The following ADTRP variants were observed in gnomAD, a reference collection of about 807,000 sequenced individuals.
ADTRP encodes androgen-dependent TFPI-regulating protein.
In ADTRP, 20 loss-of-function variants were observed where a neutral mutation model predicts 27.0. The observed-to-expected ratio is 0.74, with a 90% confidence interval of 0.52 to 1.08. The LOEUF (loss-of-function observed/expected upper bound fraction) is 1.08, where lower values mean the gene tolerates loss of function less well. ADTRP is among the 50% of genes least tolerant of loss of function. The probability of loss-of-function intolerance (pLI) is 0.00; values close to 1 mark genes in which losing one functional copy is unlikely to be tolerated. For missense variants in ADTRP, 251 were observed against 275.0 expected (o/e 0.91, Z 0.62); for synonymous variants, 101 against 105.2 (o/e 0.96, Z 0.25).
chr6:11,743,076 C>T (rs1424770016), intron 3 of ADTRP, among the ~76,000 whole-genome samples: 3 of 152,192 alleles, frequency 2.0e-5, no homozygotes, highest in Admixed American at 6.5e-5. Context: ...GGCTGTGGCC[C>T]GTCCTGCCTT....
rs371207999 is a variant in ADTRP at position 11,759,971 on chromosome 6, T to C, written c.390+6303A>G. The stretch of plus-strand genomic sequence containing the variant: ...AGGTAAGTGGTCTGCCTGGAAGAAG[T>C]AAGGAAACAGAGTCTCCTCCACAGA... On this transcript the variant is annotated intron_variant, in intron 3 of 5. Coordinates refer to ENST00000414691, the MANE Select transcript of ADTRP (RefSeq NM_032744.4). Among the ~76,000 whole-genome samples, 45 of 152,182 alleles carry C rather than the reference T, an allele frequency of 3.0e-4. 1 individual carries two copies. The East Asian group carries it at 8.5e-3, about 29-fold the overall frequency.
At chr6:11,716,972 C>T (rs13211945) in intron 5 of ADTRP, among the ~76,000 whole-genome samples, 4,403 of 151,236 alleles carry the variant, frequency 0.029, 83 homozygotes, top group Middle Eastern at 0.041. Flanking sequence ...GTGATCCACC[C>T]GCCTCGGCCT....
intron 1 of ADTRP, among the ~76,000 whole-genome samples, chr6:11,772,785 C>T (rs1272237627): frequency 4.6e-5 from 7 of 152,016 alleles, no homozygotes; most frequent in South Asian, 4.1e-4. Flanking sequence ...TATCTGTATT[C>T]GTATGGAATA....
intron 1 of ADTRP, among the ~76,000 whole-genome samples, chr6:11,777,772 T>C (rs1265874365): frequency 1.3e-5 from 2 of 152,194 alleles, no homozygotes; most frequent in East Asian, 3.9e-4. Flanking sequence ...ACCACATACA[T>C]TCTCCGCTTG....
chr6:11,775,688 G>A (rs1158428088), intron 1 of ADTRP, among the ~76,000 whole-genome samples: 3 of 152,134 alleles, frequency 2.0e-5, no homozygotes, highest in Non-Finnish European at 4.4e-5. Context: ...CAGGGGAGTA[G>A]CTCAGTGCAA....
chr6:11,774,759 G>A (rs993764801), intron 1 of ADTRP, among the ~76,000 whole-genome samples: 3 of 152,198 alleles, frequency 2.0e-5, no homozygotes, highest in African/African-American at 4.8e-5. Context: ...TAAACTGAAT[G>A]AATTCTGCGA....
chr6:11,768,486 G>A, intron 1 of ADTRP, 103 bp from the exon 2 acceptor site: 2 of 1,454,962 alleles, frequency 1.4e-6, no homozygotes, highest in Non-Finnish European at 1.9e-6. Context: ...GGCTTTGAGA[G>A]GGAGAGGGCT....
intron 3 of ADTRP, among the ~76,000 whole-genome samples, chr6:11,753,193 C>T (rs1763110377): frequency 6.6e-6 from 1 of 152,166 alleles, no homozygotes; most frequent in Admixed American, 6.5e-5. Flanking sequence ...AATTTTGCTC[C>T]TCCTCACACC....
At chr6:11,722,268 A>G (rs1421734653) in intron 5 of ADTRP, among the ~76,000 whole-genome samples, 1 of 152,222 alleles carries the variant, frequency 6.6e-6, no homozygotes, top group Non-Finnish European at 1.5e-5. Flanking sequence ...CAAATTCTCC[A>G]AGAGTAGAAA....
intron 3 of ADTRP, among the ~76,000 whole-genome samples, chr6:11,738,151 G>C (rs922200753): frequency 6.6e-6 from 1 of 152,218 alleles, no homozygotes; most frequent in Non-Finnish European, 1.5e-5. Flanking sequence ...ACTATTATCA[G>C]TGTGACTGTT....
chr6:11,745,831 C>T (rs1192546459), intron 3 of ADTRP, among the ~76,000 whole-genome samples: 1 of 151,904 alleles, frequency 6.6e-6, no homozygotes, highest in African/African-American at 2.4e-5. Context: ...TGCTCTGTCA[C>T]CCAGGCTGGA....
At chr6:11,753,304 A>G (rs1039339999) in intron 3 of ADTRP, among the ~76,000 whole-genome samples, 5 of 152,228 alleles carry the variant, frequency 3.3e-5, no homozygotes, top group Non-Finnish European at 7.3e-5. Flanking sequence ...GTGAAGGGGC[A>G]TTTGTGAATA....
At chr6:11,717,302 A>ATTTC in intron 5 of ADTRP, 1 of 1,304,030 alleles carries the variant, frequency 7.7e-7, no homozygotes, top group African/African-American at 1.5e-5. Flanking sequence ...TAGCCCTGAT[A>ATTTC]TTTCACCTGA....
chr6:11,719,622 G>A (rs932344), intron 5 of ADTRP, among the ~76,000 whole-genome samples: 80,311 of 152,022 alleles, frequency 0.53, 23,066 homozygotes, highest in Non-Finnish European at 0.66. Context: ...GTTCTTGACC[G>A]CTTGGTGCTT....
chr6:11,761,679 G>A (rs576371042), intron 3 of ADTRP, among the ~76,000 whole-genome samples: 1 of 152,078 alleles, frequency 6.6e-6, no homozygotes, highest in Non-Finnish European at 1.5e-5. Context: ...AATCATCTGG[G>A]GACCTTCTTT....
chr6:11,778,452 T>A (rs191376616), intron 1 of ADTRP, among the ~76,000 whole-genome samples, 155 bp downstream of exon 1: 3 of 152,262 alleles, frequency 2.0e-5, no homozygotes, highest in African/African-American at 7.2e-5. Flanking sequence ...CAGAGCAAAT[T>A]GTTAAGTAAA....
chr6:11,720,003 A>G (rs566666847), intron 5 of ADTRP, among the ~76,000 whole-genome samples: 31 of 152,328 alleles, frequency 2.0e-4, no homozygotes, highest in South Asian at 6.2e-4. Context: ...GACAAGAGAA[A>G]GCTGGGGCAC....
rs550613919 is a variant in ADTRP at position 11,733,810 on chromosome 6, G to A, written c.506+1758C>T. Among the ~76,000 whole-genome samples, 10 of 152,160 alleles carry A rather than the reference G, an allele frequency of 6.6e-5. No individual in the cohort carries two copies. The East Asian group carries it at 1.2e-3, about 18-fold the overall frequency. ...AATTACCTGCATCATGGGGACACCC[G>A]CCCAGGTACTGACAAACCAACCTCC... On this transcript the variant is annotated intron_variant, in intron 4 of 5. Transcript: ENST00000414691.
intron 4 of ADTRP, among the ~76,000 whole-genome samples, chr6:11,729,855 C>T (rs1390024378): frequency 6.6e-6 from 1 of 152,192 alleles, no homozygotes; most frequent in Admixed American, 6.5e-5. Flanking sequence ...TTTCATCTAT[C>T]AATGGAATCA....
Sources: allele counts gnomAD v4.1 joint callset (sites outside exome capture counted in the v4.1 genomes callset), GRCh38; gene constraint gnomAD v4.1.1; transcripts MANE v1.5; gene names NCBI Gene and HGNC (gene_info 2026-07-23, HGNC 2026-07-21).